DISC1: variants seen among roughly 807,000 people sequenced by gnomAD.
DISC1 encodes disrupted in schizophrenia 1 protein.
In DISC1, 57 loss-of-function variants were observed where a neutral mutation model predicts 84.5. The observed-to-expected ratio is 0.67, with a 90% CI of 0.55 to 0.84. The LOEUF (loss-of-function observed/expected upper bound fraction) is 0.84, where lower values mean the gene tolerates loss of function less well. Ranked by LOEUF, DISC1 falls within the 40% of genes least tolerant of loss-of-function variation. The pLI, the probability that DISC1 is intolerant of heterozygous loss-of-function variation, is 0.00. For synonymous variants in DISC1, 411 were observed against 415.2 expected, an observed-to-expected ratio of 0.99 and a Z score of 0.12; for missense variants, 1,000 against 1,057.8, an observed-to-expected ratio of 0.95 and a Z score of 0.76.
At chr1:232,008,204 C>A (rs1228309497) in intron 10 of DISC1, among the ~76,000 whole-genome samples, 1 of 152,050 alleles carries the variant, frequency 6.6e-6, no homozygotes, top group East Asian at 1.9e-4. Context: ...ACAAGCTCTG[C>A]CCTCAGGGAA....
At chr1:231,729,982 C>T (rs1558438646) in intron 3 of DISC1, among the ~76,000 whole-genome samples, 1 of 152,038 alleles carries the variant, frequency 6.6e-6, no homozygotes, top group Non-Finnish European at 1.5e-5. Context: ...GAATGAGCTG[C>T]AAAATATTCT....
intron 11 of DISC1, among the ~76,000 whole-genome samples, chr1:232,014,097 A>G (rs821639): frequency 0.32 from 48,012 of 152,020 alleles, 7,816 homozygotes; most frequent in Middle Eastern, 0.35. Flanking sequence ...TTCACATAAA[A>G]AAAGCTGGAA....
intron 10 of DISC1, among the ~76,000 whole-genome samples, chr1:231,980,575 A>G (rs1427658454): frequency 1.3e-5 from 2 of 152,182 alleles, no homozygotes; most frequent in Non-Finnish European, 2.9e-5. Context: ...ATATTTTTCT[A>G]TGTTACTATG....
chr1:232,023,633 G>A (rs1281118599), intron 11 of DISC1, among the ~76,000 whole-genome samples: 1 of 152,100 alleles, frequency 6.6e-6, no homozygotes, highest in Non-Finnish European at 1.5e-5. Flanking sequence ...ATATGTTTGG[G>A]GGAGAAATGT....
chr1:231,687,239 T>C (rs2064397425), intron 1 of DISC1, among the ~76,000 whole-genome samples: 1 of 152,188 alleles, frequency 6.6e-6, no homozygotes, highest in African/African-American at 2.4e-5. Context: ...ATTTACTGTA[T>C]TAGTCCATTT....
At chr1:231,722,850 T>G (rs2070023575) in intron 3 of DISC1, 1 of 1,413,994 alleles carries the variant, frequency 7.1e-7, no homozygotes, top group Admixed American at 2.9e-5. Flanking sequence ...CTCCCATGCG[T>G]TTCCCAGTCC....
At chr1:231,690,957 G>A (rs1463666583) in intron 1 of DISC1, among the ~76,000 whole-genome samples, 1 of 152,090 alleles carries the variant, frequency 6.6e-6, no homozygotes, top group Non-Finnish European at 1.5e-5. Context: ...TCCCACTTTT[G>A]GTAAACACCT....
intron 9 of DISC1, chr1:231,866,805 A>C (rs771812683): frequency 1.3e-5 from 14 of 1,048,156 alleles, no homozygotes; most frequent in Non-Finnish European, 1.7e-5. Context: ...TAAAGTCATG[A>C]TAGTTTCTTA....
chr1:231,956,786 C>T lies in DISC1; in HGVS notation c.1982-2042C>T, dbSNP rs74590705. ...GGCACTAACCACCTGAAAGCTCATT[C>T]ACTCAGGTATCTGGAGGTTGGTGCT... On this transcript the variant is annotated intron_variant, in intron 9 of 12. Transcript: ENST00000439617. Among the ~76,000 whole-genome samples the T allele has an allele frequency of 3.4e-3, 524 of 152,318 alleles. 3 individuals carry two copies. Among genetic ancestry groups the T allele is most frequent in the African/African-American group, 0.012 (516 of 41,570 alleles).
At position 231,917,329 on chromosome 1, in the gene DISC1, C is replaced by T. The variant is rs535100651; in HGVS notation, c.1982-41499C>T. Reference sequence around the variant, plus strand: ...TCAAATTTGAGGAGTGTATTTCATTCTCGCCGAATGCATTATATCTTACTT... The same window carrying T: ...TCAAATTTGAGGAGTGTATTTCATTTTCGCCGAATGCATTATATCTTACTT... On this transcript the variant is annotated intron_variant, in intron 9 of 12. Transcript: ENST00000439617. Among the ~76,000 whole-genome samples, 4 of 152,294 alleles carry T rather than the reference C, an allele frequency of 2.6e-5. No individual in the cohort carries two copies. The South Asian group carries it at 8.3e-4, about 32-fold the overall frequency.
chr1:231,814,116 A>G lies in DISC1; in HGVS notation c.1793-4213A>G, dbSNP rs566259099. On this transcript the variant is annotated intron_variant, in intron 8 of 12. Coordinates refer to ENST00000439617, the MANE Select transcript of DISC1 (RefSeq NM_018662.3). ...GGGAAAACATTTTGTATCATTTTCA[A>G]CATTTGTATCAGTTTGAAATCTGCC... Among the ~76,000 whole-genome samples, 4 of 152,294 alleles carry G rather than the reference A, an allele frequency of 2.6e-5. No individual in the cohort carries two copies. In the South Asian group the frequency reaches 8.3e-4, roughly 32 times the overall value.
intron 1 of DISC1, among the ~76,000 whole-genome samples, chr1:231,635,828 ATG>A (rs1183714808): frequency 6.6e-6 from 1 of 152,214 alleles, no homozygotes; most frequent in Non-Finnish European, 1.5e-5. Flanking sequence ...TTGTATATAT[ATG>A]TGTAAATTGA....
intron 9 of DISC1, among the ~76,000 whole-genome samples, chr1:231,952,709 ATATATG>A (rs1190986692): frequency 8.4e-4 from 114 of 135,982 alleles, no homozygotes; most frequent in African/African-American, 2.9e-3. Context: ...ATATATATAT[ATATATG>A]TATATATATA....
chr1:231,829,764 AAG>A (rs2082100535), intron 9 of DISC1, among the ~76,000 whole-genome samples: 2 of 152,076 alleles, frequency 1.3e-5, no homozygotes, highest in South Asian at 4.1e-4. Flanking sequence ...TGAGTCTGAA[AAG>A]AGAGTCAGCG....
At chr1:231,648,681 T>C (rs1419810267) in intron 1 of DISC1, among the ~76,000 whole-genome samples, 1 of 152,240 alleles carries the variant, frequency 6.6e-6, no homozygotes, top group Non-Finnish European at 1.5e-5. Context: ...TGAACCCATC[T>C]GGTCCTGGAC....
chr1:231,677,049 G>A (rs1489131302), intron 1 of DISC1, among the ~76,000 whole-genome samples: 4 of 152,120 alleles, frequency 2.6e-5, no homozygotes, highest in East Asian at 1.9e-4. Context: ...TGGTCAGGGC[G>A]CACACATGTA....
At chr1:231,889,291 G>C (rs149968634) in intron 9 of DISC1, among the ~76,000 whole-genome samples, 5 of 152,148 alleles carry the variant, frequency 3.3e-5, no homozygotes, top group African/African-American at 1.2e-4. Flanking sequence ...TCCATAAGGC[G>C]GGGTACACGC....
At chr1:231,903,572 AGAGAAGGCCTTTCT>A (rs2088371558) in intron 9 of DISC1, among the ~76,000 whole-genome samples, 1 of 152,234 alleles carries the variant, frequency 6.6e-6, no homozygotes, top group Admixed American at 6.5e-5. Flanking sequence ...CTGTGTGGTC[AGAGAAGGCCTTTCT>A]GAGAAGGTGC....
At chr1:231,628,996 C>T (rs1043495429) in intron 1 of DISC1, among the ~76,000 whole-genome samples, 1 of 152,136 alleles carries the variant, frequency 6.6e-6, no homozygotes, top group Admixed American at 6.6e-5. Context: ...TTTGGCCTCC[C>T]AAAGCGCTAG....
Sources: allele counts gnomAD v4.1 joint callset (sites outside exome capture counted in the v4.1 genomes callset), GRCh38; gene constraint gnomAD v4.1.1; transcripts MANE v1.5; gene names NCBI Gene and HGNC (gene_info 2026-07-23, HGNC 2026-07-21).